DGKE: variants seen among roughly 807,000 people sequenced by gnomAD.
DGKE encodes the protein diacylglycerol kinase epsilon, also known as DAG kinase epsilon.
In DGKE, 53 loss-of-function variants were observed where a neutral mutation model predicts 70.0. That is an observed-to-expected ratio of 0.76 (90% CI 0.61 to 0.95). DGKE has a LOEUF of 0.95. Ranked by LOEUF, DGKE falls within the 40% of genes least tolerant of loss-of-function variation. The pLI, the probability that DGKE is intolerant of heterozygous loss-of-function variation, is 0.00. For synonymous variants in DGKE, 291 were observed against 257.0 expected, an observed-to-expected ratio of 1.13 and a Z score of -1.27; for missense variants, 655 against 706.9, an observed-to-expected ratio of 0.93 and a Z score of 0.83.
Position 56,838,802 on chromosome 17 carries a change from C to T in DGKE, c.464+3543C>T, listed in dbSNP as rs114927248. The T allele has an allele frequency of 2.6e-3, 392 of 151,938 alleles. 2 individuals carry two copies. The highest frequency in any genetic ancestry group is 9.2e-3 in the African/African-American group (382 of 41,402). The allele number at this position is 151,938 out of a possible 1,614,324, so 9.4% of individuals were successfully genotyped here. ...TATATCTTGATAAGGGTTTTAGTTACGTATGTTCATTTATCAAAACTCAGG... is the reference window on the plus strand; with the variant it reads ...TATATCTTGATAAGGGTTTTAGTTATGTATGTTCATTTATCAAAACTCAGG... On this transcript the variant is annotated intron_variant, in intron 2 of 11. Transcript: ENST00000284061.
rs551319122 is a variant in DGKE, at chr17:56,856,596, T to G, written c.1183T>G (p.Ser395Ala). The G allele has an allele frequency of 3.1e-6, 5 of 1,613,854 alleles. No homozygotes were observed. In the South Asian group the frequency reaches 5.5e-5, roughly 18 times the overall value. ...NFHAHREKAPSLFSSRILNKA... is the reference protein window; with the variant it reads ...NFHAHREKAPALFSSRILNKA... ...TCATGCTCATCGTGAGAAGGCACCA[T>G]CTCTGTTTTCTAGCAGAATTCTTAA... The change falls in exon 8 of 12, where the codon TCT (serine) becomes GCT (alanine). Residue 395 changes from serine (S) to alanine (A), a missense_variant. Ser to Ala is a moderately conservative substitution (Grantham distance 99, BLOSUM62 1). Transcript: ENST00000284061.
intron 7 of DGKE, among the ~76,000 whole-genome samples, chr17:56,854,924 A>G (rs1034522689): frequency 2.0e-5 from 3 of 152,318 alleles, no homozygotes; most frequent in Admixed American, 1.3e-4. Context: ...GCTTACCTCT[A>G]TAGAAGAACA....
rs144417124 is a variant in DGKE at position 56,848,806 on chromosome 17, G to T, written c.999G>T (p.Ala333=). 19 of 1,614,036 alleles carry T rather than the reference G, an allele frequency of 1.2e-5. No homozygotes were observed. The highest frequency in any genetic ancestry group is 4.5e-5 in the East Asian group (2 of 44,878). Residue 333 remains alanine, a synonymous_variant, in exon 6 of 12, where the codon GCG becomes GCT. Coordinates refer to ENST00000284061, the MANE Select transcript of DGKE (RefSeq NM_003647.3). ...GTTATGCTGGAGAAATTCCAGTTGC[G>T]CAGGTTTTGCGAAATGTAATGGAAG... The part of the protein sequence containing the change: ...GTGYAGEIPV[A]QVLRNVMEAD...
chr17:56,850,899 A>G (rs1347988585), intron 7 of DGKE, among the ~76,000 whole-genome samples: 1 of 152,208 alleles, frequency 6.6e-6, no homozygotes, highest in Non-Finnish European at 1.5e-5. Flanking sequence ...ATGGGAGAGA[A>G]CAGGGTGCAG....
chr17:56,866,510 C>T lies in DGKE; in HGVS notation c.*3719C>T, dbSNP rs1173666537. 2 of 152,242 alleles carry T rather than the reference C, an allele frequency of 1.3e-5. No homozygotes were observed. Among genetic ancestry groups the T allele is most frequent in the African/African-American group, 4.8e-5 (2 of 41,458 alleles). The allele number at this position is 152,242 out of a possible 1,614,324, so 9.4% of individuals were successfully genotyped here. A position where few individuals can be genotyped will look rare whatever the true frequency, so the allele number is the denominator to read the frequency against. ...TGTTTTTCTTCTACTCCGCTGTCCT[C>T]TTCCCTCAAAATCACTTTTCTAAAA... On this transcript the variant is annotated 3_prime_UTR_variant, in exon 12 of 12. Transcript: ENST00000284061.
intron 2 of DGKE, 90 bp downstream of exon 2, chr17:56,835,349 C>A: frequency 7.6e-7 from 1 of 1,314,390 alleles, no homozygotes; most frequent in Non-Finnish European, 1.0e-6. Flanking sequence ...TTAATCTCTG[C>A]TGATGACCTA....
At chr17:56,841,624 G>A (rs1361193109) in intron 2 of DGKE, among the ~76,000 whole-genome samples, 1 of 152,078 alleles carries the variant, frequency 6.6e-6, no homozygotes, top group African/African-American at 2.4e-5. Context: ...AGTTATGATG[G>A]GCACTTTCAT....
chr17:56,859,446 GTC>G (rs1567823308), intron 9 of DGKE, among the ~76,000 whole-genome samples: 1 of 150,142 alleles, frequency 6.7e-6, no homozygotes, highest in East Asian at 2.0e-4. Flanking sequence ...TTGAGATGGA[GTC>G]TCACTCTGTC....
rs1309337620 is a variant in DGKE, at chr17:56,868,371, A to C, written c.*5580A>C. ...CTCTGATTTGTAATTCTGTTTGTAC[A>C]AGTTTAGAGCAGCCTAGCTCGAGTC... On this transcript the variant is annotated 3_prime_UTR_variant, in exon 12 of 12. Transcript: ENST00000284061. 4 of 152,284 alleles carry C rather than the reference A, an allele frequency of 2.6e-5. No individual in the cohort carries two copies. The highest frequency in any genetic ancestry group is 4.8e-5 in the African/African-American group (2 of 41,472). The allele number at this position is 152,284 out of a possible 1,614,324, so 9.4% of individuals were successfully genotyped here. A position where few individuals can be genotyped will look rare whatever the true frequency, so the allele number is the denominator to read the frequency against.
At position 56,835,095 on chromosome 17, in the gene DGKE, G is replaced by A. The variant is rs969844522; in HGVS notation, c.300G>A (p.Arg100=). 6 of 1,613,792 alleles carry A rather than the reference G, an allele frequency of 3.7e-6. No homozygotes were observed. Among genetic ancestry groups the A allele is most frequent in the Non-Finnish European group, 5.1e-6 (6 of 1,180,040 alleles). ...TCCGCGTGGACGAGGGCTGCCTCAG[G>A]AAGGCCGACAAGCGCTTCCAGTGCA... is the stretch of plus-strand genomic sequence containing the variant. ...CGLRVDEGCL[R]KADKRFQCKE... Residue 100 remains arginine, a synonymous_variant, in exon 2 of 12, where the codon AGG becomes AGA. Coordinates refer to ENST00000284061, the MANE Select transcript of DGKE (RefSeq NM_003647.3).
At chr17:56,837,019 T>TA (rs534466094) in intron 2 of DGKE, among the ~76,000 whole-genome samples, 102 of 152,308 alleles carry the variant, frequency 6.7e-4, no homozygotes, top group Non-Finnish European at 1.3e-3. Context: ...TTTTTGGTGA[T>TA]AACGTAATAT....
chr17:56,850,840 AG>A (rs1429274314), intron 7 of DGKE, among the ~76,000 whole-genome samples: 1 of 152,212 alleles, frequency 6.6e-6, no homozygotes, highest in Non-Finnish European at 1.5e-5. Context: ...AACCAAGCAA[AG>A]GCTTAGGAAT....
chr17:56,860,145 A>C (rs1017753923), intron 9 of DGKE, among the ~76,000 whole-genome samples: 1 of 152,194 alleles, frequency 6.6e-6, no homozygotes, highest in Non-Finnish European at 1.5e-5. Flanking sequence ...AATAAAATAA[A>C]TTTTATTTAT....
intron 2 of DGKE, chr17:56,835,504 C>T: frequency 7.4e-6 from 4 of 541,634 alleles, no homozygotes; most frequent in Non-Finnish European, 1.3e-5. Flanking sequence ...AAACTTGGCT[C>T]CTAACGTTAA....
At chr17:56,860,209 C>G (rs942299618) in intron 9 of DGKE, among the ~76,000 whole-genome samples, 5 of 151,572 alleles carry the variant, frequency 3.3e-5, no homozygotes, top group African/African-American at 1.2e-4. Flanking sequence ...GTGATAAATC[C>G]CTTGCTCTAC....
At chr17:56,853,842 C>A (rs889088875) in intron 7 of DGKE, among the ~76,000 whole-genome samples, 6 of 152,104 alleles carry the variant, frequency 3.9e-5, no homozygotes, top group African/African-American at 1.4e-4. Context: ...ATCAGTATAT[C>A]AAACAGATGT....
chr17:56,846,189 G>A (rs958469448), intron 4 of DGKE: 1 of 154,946 alleles, frequency 6.5e-6, no homozygotes, highest in Admixed American at 6.5e-5. Flanking sequence ...CTGATGAGTT[G>A]ATAAACAAAA....
In DGKE at chr17:56,848,060, A is replaced by T. The variant is rs773222196; in HGVS notation, c.883A>T (p.Ile295Phe). The stretch of plus-strand genomic sequence containing the variant: ...CCTGGATGCAGTTGATGACATGAAG[A>T]TTAAGGTATTAGTCTTTAAGAACTA... ...WVLDAVDDMK[I>F]KGQEKYIPQV... The change falls in exon 5 of 12, where the codon ATT (isoleucine) becomes TTT (phenylalanine). Residue 295 changes from isoleucine (I) to phenylalanine (F), a missense_variant. By Grantham distance (21) the Ile-to-Phe change is conservative. Coordinates refer to ENST00000284061, the MANE Select transcript of DGKE (RefSeq NM_003647.3). 1.3e-6 allele frequency: 2 copies of T among 1,556,604 alleles called. No homozygotes were observed. Among genetic ancestry groups the T allele is most frequent in the South Asian group, 2.5e-5 (2 of 79,648 alleles).
At chr17:56,841,988 G>A (rs3959524) in intron 2 of DGKE, among the ~76,000 whole-genome samples, 107,572 of 151,882 alleles carry the variant, frequency 0.71, 38,506 homozygotes, top group East Asian at 0.91. Flanking sequence ...TTGTTTTTTG[G>A]GACAGGGTCA....
Sources: allele counts gnomAD v4.1 joint callset (sites outside exome capture counted in the v4.1 genomes callset), GRCh38; gene constraint gnomAD v4.1.1; transcripts MANE v1.5; gene names NCBI Gene and HGNC (gene_info 2026-07-23, HGNC 2026-07-21).